Variants in SPATA7 observed in about 807,000 individuals in gnomAD.
SPATA7 encodes spermatogenesis-associated protein 7.
A neutral mutation model predicts 51.8 loss-of-function variants in SPATA7; 43 were observed. That is an observed-to-expected ratio of 0.83 (90% CI 0.65 to 1.07). The LOEUF (loss-of-function observed/expected upper bound fraction) is 1.07. SPATA7 is among the 50% of genes least tolerant of loss of function. SPATA7 has a pLI of 0.00. For synonymous variants in SPATA7, 230 were observed against 252.8 expected (o/e 0.91, Z 0.86); for missense variants, 683 against 701.3 (o/e 0.97, Z 0.30).
At chr14:88,444,640 C>T (rs191044048) in intron 3 of SPATA7, among the ~76,000 whole-genome samples, 3,881 of 152,152 alleles carry the variant, frequency 0.026, 171 homozygotes, top group African/African-American at 0.088. Context: ...AGTCTTTAAT[C>T]CATCCTGAAC....
At chr14:88,459,547 C>CT (rs1037821979), downstream of SPATA7, among the ~76,000 whole-genome samples, 9 of 151,744 alleles carry the variant, frequency 5.9e-5, no homozygotes, top group Non-Finnish European at 7.4e-5. Flanking sequence ...CAACCCCTGC[C>CT]TTTTTTTTCC....
chr14:88,419,072 TTTCCAGATA>T (rs2076565009), intron 5 of SPATA7, among the ~76,000 whole-genome samples: 1 of 152,196 alleles, frequency 6.6e-6, no homozygotes, highest in Admixed American at 6.5e-5. Flanking sequence ...AACTTTGTAT[TTTCCAGATA>T]TTCAAATCTT....
chr14:88,433,172 G>T lies in SPATA7; in HGVS notation c.1120G>T (p.Val374Leu). The T allele has an allele frequency of 6.2e-7, 1 of 1,611,704 alleles. No homozygotes were observed. The highest frequency in any genetic ancestry group is 1.1e-5 in the South Asian group (1 of 90,994). The change falls in exon 10 of 12, where the codon GTA becomes TTA. Residue 374 changes from valine (V) to leucine (L), a missense_variant. By Grantham distance (32) the Val-to-Leu change is conservative. Transcript: ENST00000393545. ...ELLYLSFIED[V>L]TDEILKLGLF... ...GTTGTATCTGAGTTTCATTGAAGATGTAACAGATGAAATTTTGAAACTTGG... is the reference window on the plus strand; with the variant it reads ...GTTGTATCTGAGTTTCATTGAAGATTTAACAGATGAAATTTTGAAACTTGG...
chr14:88,459,049 T>A (rs1451818934), downstream of SPATA7, among the ~76,000 whole-genome samples: 1 of 152,226 alleles, frequency 6.6e-6, no homozygotes, highest in Non-Finnish European at 1.5e-5. Context: ...AGTTTCTTAA[T>A]CCTGAGTTCT....
At chr14:88,393,659 C>G in intron 3 of SPATA7, 171 bp downstream of exon 3, 3 of 529,244 alleles carry the variant, frequency 5.7e-6, no homozygotes, top group Non-Finnish European at 1.0e-5. Context: ...CAAATTCATA[C>G]CCATTTTTGT....
intron 1 of SPATA7, among the ~76,000 whole-genome samples, chr14:88,391,044 T>C (rs1046377114): frequency 9.2e-5 from 14 of 152,334 alleles, no homozygotes; most frequent in Non-Finnish European, 1.8e-4. Context: ...TCGATACTTC[T>C]TTTTTCTATA....
intron 4 of SPATA7, among the ~76,000 whole-genome samples, chr14:88,463,321 AT>A: frequency 6.6e-6 from 1 of 152,320 alleles, no homozygotes; most frequent in East Asian, 1.9e-4. Flanking sequence ...TGCTCACATT[AT>A]AAGGCCCATT....
At chr14:88,458,849 A>G (rs142641846), downstream of SPATA7, among the ~76,000 whole-genome samples, 5,778 of 152,092 alleles carry the variant, frequency 0.038, 356 homozygotes, top group African/African-American at 0.13. Flanking sequence ...GCTTTCTCTT[A>G]TGGGCATTTA....
chr14:88,441,885 G>T (rs536990925), downstream of SPATA7, among the ~76,000 whole-genome samples: 3 of 152,052 alleles, frequency 2.0e-5, no homozygotes, highest in Admixed American at 6.6e-5. Flanking sequence ...ATGCATTTGC[G>T]TTTGGGTTCT....
chr14:88,446,955 A>G (rs1433961429), intron 3 of SPATA7, among the ~76,000 whole-genome samples: 1 of 152,168 alleles, frequency 6.6e-6, no homozygotes, highest in Non-Finnish European at 1.5e-5. Context: ...AAAAATGTAC[A>G]TTCTGTTGAT....
At chr14:88,467,691 T>C (rs2140073207) in intron 4 of SPATA7, 1 of 173,640 alleles carries the variant, frequency 5.8e-6, no homozygotes, top group Admixed American at 6.3e-5. Context: ...CTGTGGATCA[T>C]CCTTACACAA....
chr14:88,406,577 G>A (rs1192958047), intron 4 of SPATA7: 1 of 151,908 alleles, frequency 6.6e-6, no homozygotes, highest in Admixed American at 6.6e-5. Flanking sequence ...TTTCTTTAGA[G>A]AAGAAAAATA....
At chr14:88,465,783 T>G (rs1039209243) in intron 4 of SPATA7, 5 of 152,206 alleles carry the variant, frequency 3.3e-5, no homozygotes, top group African/African-American at 1.2e-4. Context: ...CTCAGTAATG[T>G]GGATAGATTT....
chr14:88,407,904 G>C (rs1242819365), intron 4 of SPATA7, among the ~76,000 whole-genome samples: 1 of 152,144 alleles, frequency 6.6e-6, no homozygotes, highest in Non-Finnish European at 1.5e-5. Flanking sequence ...ATTTGTCAAA[G>C]ATCAGATGGT....
intron 4 of SPATA7, among the ~76,000 whole-genome samples, chr14:88,402,507 T>C (rs2139908517): frequency 6.6e-6 from 1 of 152,234 alleles, no homozygotes; most frequent in African/African-American, 2.4e-5. Flanking sequence ...TATAGTCAAC[T>C]TATCTTCAAA....
chr14:88,408,324 A>G (rs1171772298), intron 4 of SPATA7, among the ~76,000 whole-genome samples: 1 of 152,146 alleles, frequency 6.6e-6, no homozygotes, highest in African/African-American at 2.4e-5. Context: ...GAGGTCCTTC[A>G]CATCCCTTTT....
intron 4 of SPATA7, among the ~76,000 whole-genome samples, chr14:88,409,289 A>G (rs956873394): frequency 2.0e-5 from 3 of 152,114 alleles, no homozygotes; most frequent in African/African-American, 4.8e-5. Context: ...TTATGGGTCT[A>G]TTCAGGGATT....
At chr14:88,414,554 A>G (rs73321900) in intron 4 of SPATA7, 5,644 of 259,796 alleles carry the variant, frequency 0.022, 324 homozygotes, top group African/African-American at 0.12. Context: ...CTCAATTTCA[A>G]TTATTTCTGC....
chr14:88,387,124 C>A (rs2075601961), intron 1 of SPATA7, among the ~76,000 whole-genome samples: 1 of 152,072 alleles, frequency 6.6e-6, no homozygotes, highest in Admixed American at 6.6e-5. Context: ...AAGATCACAG[C>A]GGCAGAACAG....
Sources: gnomAD v4.1 joint callset for allele counts (sites outside exome capture counted in the v4.1 genomes callset) on GRCh38, gnomAD v4.1.1 for gene constraint, MANE v1.5 for transcripts, NCBI Gene and HGNC (gene_info 2026-07-23, HGNC 2026-07-21) for gene names.